Variants in CCNH observed in about 807,000 individuals in gnomAD.
CCNH encodes the protein cyclin-H.
CCNH carries 31 observed loss-of-function variants against 41.9 expected under a neutral mutation model. The ratio of observed to expected loss-of-function variants is 0.74; its 90% CI spans 0.56 to 1.00. CCNH has a LOEUF of 1.00. Ranked by LOEUF, CCNH falls within the 50% of genes least tolerant of loss-of-function variation. The probability of loss-of-function intolerance (pLI) is 0.00; values close to 1 mark genes in which losing one functional copy is unlikely to be tolerated. For missense variants in CCNH, 362 were observed against 388.4 expected (o/e 0.93, Z 0.57); for synonymous variants, 138 against 136.1 (o/e 1.01, Z -0.10).
At chr5:87,333,493 G>A (rs1315613947) in intron 9 of CCNH, among the ~76,000 whole-genome samples, 1 of 152,138 alleles carries the variant, frequency 6.6e-6, no homozygotes, top group East Asian at 1.9e-4. Flanking sequence ...TGTATCTCTG[G>A]GTTGGCTTAT....
intron 9 of CCNH, chr5:87,341,404 G>GT (rs1758443430): frequency 4.2e-6 from 4 of 941,310 alleles, no homozygotes; most frequent in Non-Finnish European, 5.7e-6. Context: ...CAAAAAAATT[G>GT]TTTTTTAAGG....
intron 9 of CCNH, among the ~76,000 whole-genome samples, chr5:87,368,159 T>C (rs1230261767): frequency 6.6e-6 from 1 of 152,142 alleles, no homozygotes; most frequent in Non-Finnish European, 1.5e-5. Flanking sequence ...CTATTTCCCA[T>C]GCTGTTTTCT....
chr5:87,338,880 C>T (rs1256743608), intron 9 of CCNH, among the ~76,000 whole-genome samples: 1 of 151,916 alleles, frequency 6.6e-6, no homozygotes, highest in Non-Finnish European at 1.5e-5. Flanking sequence ...TTTTGAATCT[C>T]GTCCTTGTTT....
downstream of CCNH, among the ~76,000 whole-genome samples, chr5:87,314,858 C>T (rs1756202890): frequency 6.6e-6 from 1 of 152,118 alleles, no homozygotes; most frequent in Non-Finnish European, 1.5e-5. Context: ...GAATTATTTA[C>T]ATTGTTAAAT....
chr5:87,342,728 A>G lies in CCNH; in HGVS notation c.*91-23831T>C, dbSNP rs16902628. ...GTAGAAAACTAGAAAGTGTTTGCCT[A>G]TTGTAAGGTAATCACTTTGTCTAGT... On this transcript the variant is annotated intron_variant and NMD_transcript_variant, in intron 9 of 9. Transcript: ENST00000645953. Among the ~76,000 whole-genome samples, 1,069 of 152,290 alleles carry G rather than the reference A, an allele frequency of 7.0e-3. 5 individuals carry two copies. The highest frequency in any genetic ancestry group is 0.016 in the African/African-American group (679 of 41,556).
intron 9 of CCNH, among the ~76,000 whole-genome samples, chr5:87,324,350 T>A (rs543078979): frequency 6.6e-6 from 1 of 152,296 alleles, no homozygotes; most frequent in South Asian, 2.1e-4. Flanking sequence ...AGGTGTGGTT[T>A]TTTTTCTTCC....
chr5:87,333,431 GA>G, intron 9 of CCNH: 1 of 1,553,824 alleles, frequency 6.4e-7, no homozygotes, highest in Non-Finnish European at 8.7e-7. Context: ...GAAATTTGAA[GA>G]AATGGCATAC....
At chr5:87,398,056 G>A (rs559658533) in intron 7 of CCNH, among the ~76,000 whole-genome samples, 133 of 152,284 alleles carry the variant, frequency 8.7e-4, no homozygotes, top group African/African-American at 3.1e-3. Flanking sequence ...AATCAGTGCT[G>A]CAATACTTTT....
chr5:87,322,437 T>C (rs1408550601), intron 9 of CCNH, among the ~76,000 whole-genome samples: 2 of 152,234 alleles, frequency 1.3e-5, no homozygotes, highest in East Asian at 1.9e-4. Context: ...CCTGAAATCA[T>C]CTTCCCTGAC....
downstream of CCNH, chr5:87,389,499 C>T (rs770325546): frequency 5.0e-6 from 8 of 1,613,984 alleles, no homozygotes; most frequent in East Asian, 2.2e-5. Context: ...GAACTTCGAA[C>T]GCTCAGTAAT....
chr5:87,334,110 G>A (rs192527304), intron 9 of CCNH, among the ~76,000 whole-genome samples: 4 of 152,146 alleles, frequency 2.6e-5, no homozygotes, highest in Admixed American at 6.6e-5. Flanking sequence ...ATTTTTTTAC[G>A]GAGAATAGGT....
upstream of CCNH, chr5:87,379,892 A>C (rs140502802): frequency 6.3e-7 from 1 of 1,579,654 alleles, no homozygotes; most frequent in Non-Finnish European, 8.7e-7. Flanking sequence ...TTGTGTATCT[A>C]TGTCTTCAGA....
intron 8 of CCNH, 124 bp downstream of exon 8, chr5:87,394,920 C>T: frequency 6.5e-7 from 1 of 1,538,204 alleles, no homozygotes; most frequent in Non-Finnish European, 8.7e-7. Context: ...AGGAAGTATG[C>T]AAAAAATGAA....
chr5:87,380,276 A>G (rs555308836), upstream of CCNH, among the ~76,000 whole-genome samples: 13 of 152,282 alleles, frequency 8.5e-5, no homozygotes, highest in East Asian at 7.7e-4. Context: ...TTGGTTCTCT[A>G]TATCTGAAAG....
intron 9 of CCNH, among the ~76,000 whole-genome samples, chr5:87,385,102 CTCTTT>C: frequency 6.6e-6 from 1 of 152,164 alleles, no homozygotes; most frequent in Admixed American, 6.5e-5. Flanking sequence ...TTCACTTTTT[CTCTTT>C]TAATTCAAGT....
chr5:87,332,275 G>T (rs1207565423), intron 9 of CCNH, among the ~76,000 whole-genome samples: 1 of 151,952 alleles, frequency 6.6e-6, no homozygotes, highest in Admixed American at 6.6e-5. Context: ...CTGTAATTGA[G>T]GTTTATAAGC....
intron 9 of CCNH, among the ~76,000 whole-genome samples, chr5:87,364,438 A>G (rs577754270): frequency 5.3e-5 from 8 of 152,302 alleles, no homozygotes; most frequent in African/African-American, 1.9e-4. Flanking sequence ...TTGTAGCTTT[A>G]GCTAGTGTTT....
intron 9 of CCNH, among the ~76,000 whole-genome samples, chr5:87,320,894 A>G (rs942573186): frequency 7.9e-5 from 12 of 152,248 alleles, no homozygotes; most frequent in African/African-American, 2.4e-4. Context: ...AGAGTTACAC[A>G]TAGTCTGATT....
chr5:87,374,335 A>G (rs1761161481), downstream of CCNH: 1 of 1,593,618 alleles, frequency 6.3e-7, no homozygotes, highest in Non-Finnish European at 8.6e-7. Flanking sequence ...GTCTTATTTT[A>G]TCATTACATT....
Sources: allele counts gnomAD v4.1 joint callset (sites outside exome capture counted in the v4.1 genomes callset), GRCh38; gene constraint gnomAD v4.1.1; transcripts MANE v1.5; gene names NCBI Gene and HGNC (gene_info 2026-07-23, HGNC 2026-07-21).